The following KCNMB2 variants were observed in gnomAD, a reference collection of about 807,000 sequenced individuals.
KCNMB2 encodes potassium calcium-activated channel subfamily M regulatory beta subunit 2, also known as calcium-activated potassium channel subunit beta-2.
In KCNMB2, 9 loss-of-function variants were observed where a neutral mutation model predicts 24.5. The observed-to-expected ratio is 0.37, with a 90% confidence interval of 0.22 to 0.64. The LOEUF is 0.64. Ranked by LOEUF, KCNMB2 falls within the 30% of genes least tolerant of loss-of-function variation. The pLI is 0.63. For synonymous variants in KCNMB2, 109 were observed against 104.4 expected (o/e 1.04, Z -0.27); for missense variants, 226 against 284.3 (o/e 0.79, Z 1.47).
rs368633480 is a variant in KCNMB2, at chr3:178,679,047, G to GTTTTTT, written c.-67-128292_-67-128291insTTTTTT. 6.5e-3 allele frequency among the ~76,000 whole-genome samples: 976 copies of GTTTTTT among 150,202 alleles called. 10 individuals carry two copies. The highest frequency in any genetic ancestry group is 0.023 in the African/African-American group (945 of 40,694). ...GTTTTTTTTTGTTTGTTTGTTTTTT[G>GTTTTTT]TTTTGTTTTTGTTTTTTTTATTATA... On this transcript the variant is annotated intron_variant, in intron 1 of 4. Coordinates refer to ENST00000452583, the MANE Select transcript of KCNMB2 (RefSeq NM_181361.3).
intron 1 of KCNMB2, among the ~76,000 whole-genome samples, chr3:178,556,458 GC>G (rs1359249682): frequency 6.6e-6 from 1 of 152,174 alleles, no homozygotes; most frequent in East Asian, 1.9e-4. Flanking sequence ...AGGCTAGAGT[GC>G]AATGGCACAA....
chr3:178,726,353 T>G (rs1722967807), intron 1 of KCNMB2, among the ~76,000 whole-genome samples: 1 of 152,074 alleles, frequency 6.6e-6, no homozygotes, highest in East Asian at 1.9e-4. Flanking sequence ...TAATCTACTG[T>G]GTTTACCATT....
chr3:178,776,352 A>G (rs1426810153), intron 1 of KCNMB2, among the ~76,000 whole-genome samples: 2 of 152,056 alleles, frequency 1.3e-5, no homozygotes. Context: ...TCTTCTAAAT[A>G]CTGCCTGTAT....
chr3:178,613,693 G>A (rs557288093), intron 1 of KCNMB2, among the ~76,000 whole-genome samples: 1 of 152,288 alleles, frequency 6.6e-6, no homozygotes, highest in East Asian at 1.9e-4. Flanking sequence ...TGCTGTCAGA[G>A]GTATTGGAGC....
chr3:178,668,371 C>A (rs1577084263), intron 1 of KCNMB2, among the ~76,000 whole-genome samples: 1 of 152,000 alleles, frequency 6.6e-6, no homozygotes, highest in East Asian at 1.9e-4. Context: ...AATACAGGAG[C>A]CAAGAGATAA....
At chr3:178,614,383 A>T (rs1718631099) in intron 1 of KCNMB2, among the ~76,000 whole-genome samples, 1 of 144,842 alleles carries the variant, frequency 6.9e-6, no homozygotes, top group Non-Finnish European at 1.5e-5. Flanking sequence ...TCACAGTTCC[A>T]CATGGCTGGG....
intron 1 of KCNMB2, among the ~76,000 whole-genome samples, chr3:178,768,811 A>T (rs1211391002): frequency 2.6e-5 from 4 of 152,334 alleles, no homozygotes; most frequent in African/African-American, 7.2e-5. Flanking sequence ...AAGTAATAAA[A>T]AGAGCCACAT....
At chr3:178,820,267 C>T (rs565969100) in intron 2 of KCNMB2, among the ~76,000 whole-genome samples, 64 of 152,302 alleles carry the variant, frequency 4.2e-4, no homozygotes, top group African/African-American at 1.5e-3. Context: ...TGGCCCTTGG[C>T]GTATCAGTTT....
intron 1 of KCNMB2, among the ~76,000 whole-genome samples, chr3:178,691,114 T>TTTTTTTTTTC (rs1330250576): frequency 5.8e-5 from 8 of 136,820 alleles, no homozygotes; most frequent in Non-Finnish European, 1.1e-4. Context: ...AGTCTTTTTT[T>TTTTTTTTTTC]TTTTTTTTTT....
At chr3:178,811,372 T>C (rs6779896) in intron 2 of KCNMB2, among the ~76,000 whole-genome samples, 1 of 151,446 alleles carries the variant, frequency 6.6e-6, no homozygotes. Flanking sequence ...GGCATATCAT[T>C]CCCCGATTTT....
intron 1 of KCNMB2, among the ~76,000 whole-genome samples, chr3:178,584,541 C>T (rs1342144588): frequency 2.0e-5 from 3 of 151,792 alleles, no homozygotes; most frequent in Admixed American, 1.3e-4. Flanking sequence ...CAGTGCCTGG[C>T]ACATGCTAAG....
chr3:178,822,769 T>C (rs539819963), intron 2 of KCNMB2, among the ~76,000 whole-genome samples: 1 of 152,222 alleles, frequency 6.6e-6, no homozygotes, highest in Non-Finnish European at 1.5e-5. Context: ...ACTTTCAAAT[T>C]GTGATTTGTT....
At chr3:178,812,394 C>A (rs1264388068) in intron 2 of KCNMB2, among the ~76,000 whole-genome samples, 1 of 123,888 alleles carries the variant, frequency 8.1e-6, no homozygotes, top group African/African-American at 3.0e-5. Context: ...CCCCTCCCCC[C>A]ACCCCACAAC....
intron 1 of KCNMB2, among the ~76,000 whole-genome samples, chr3:178,802,487 G>A (rs534750269): frequency 6.6e-6 from 1 of 152,250 alleles, no homozygotes; most frequent in African/African-American, 2.4e-5. Flanking sequence ...TAGGAAGTGA[G>A]AAGACACTGA....
At position 178,740,452 on chromosome 3, in the gene KCNMB2, G is replaced by A. The variant is rs561591707; in HGVS notation, c.-67-66891G>A. On this transcript the variant is annotated intron_variant, in intron 1 of 4. Coordinates refer to ENST00000452583, the MANE Select transcript of KCNMB2 (RefSeq NM_181361.3). ...ACATTTTTTATTATAGATATTAGCA[G>A]TTGGTTAGATTTTCTTTATCTACCC... Among the ~76,000 whole-genome samples, 6 of 152,234 alleles carry A rather than the reference G, an allele frequency of 3.9e-5. No homozygotes were observed. In the South Asian group the frequency reaches 1.0e-3, roughly 26 times the overall value.
intron 1 of KCNMB2, among the ~76,000 whole-genome samples, chr3:178,635,007 C>T (rs996351899): frequency 5.3e-5 from 8 of 152,072 alleles, no homozygotes; most frequent in Admixed American, 2.0e-4. Context: ...CATATTGAGG[C>T]TCCTGGACTG....
At chr3:178,573,544 A>T (rs1259763055) in intron 1 of KCNMB2, among the ~76,000 whole-genome samples, 1 of 151,072 alleles carries the variant, frequency 6.6e-6, no homozygotes. Context: ...GTTCAAGTCC[A>T]GCCTGGACAA....
chr3:178,840,838 A>G (rs907025593), intron 4 of KCNMB2, among the ~76,000 whole-genome samples: 1 of 152,218 alleles, frequency 6.6e-6, no homozygotes, highest in Non-Finnish European at 1.5e-5. Flanking sequence ...TGACATACCT[A>G]GAGACATTTT....
At position 178,734,651 on chromosome 3, in the gene KCNMB2, T is replaced by C. The variant is rs148082919; in HGVS notation, c.-67-72692T>C. Among the ~76,000 whole-genome samples the C allele has an allele frequency of 8.3e-4, 127 of 152,298 alleles. 1 individual carries two copies. The East Asian group carries it at 0.023, about 28-fold the overall frequency. On this transcript the variant is annotated intron_variant, in intron 1 of 4. Coordinates refer to ENST00000452583, the MANE Select transcript of KCNMB2 (RefSeq NM_181361.3). ...CACTTGCCTGTGTTCAAAGAACAGG[T>C]TAAGTGGCAAAACCAGGTTTTAGAC...
Sources: gnomAD v4.1 joint callset for allele counts (sites outside exome capture counted in the v4.1 genomes callset) on GRCh38, gnomAD v4.1.1 for gene constraint, MANE v1.5 for transcripts, NCBI Gene and HGNC (gene_info 2026-07-23, HGNC 2026-07-21) for gene names.